Variants in FMN1 observed in about 807,000 individuals in gnomAD.
FMN1 encodes formin-1.
Under a neutral mutation model 132.4 loss-of-function variants are expected in FMN1, and 110 were observed. That is an observed-to-expected ratio of 0.83 (90% CI 0.71 to 0.97). FMN1 has a LOEUF of 0.97. FMN1 is among the 50% of genes least tolerant of loss of function. The pLI is 0.00. For missense variants in FMN1, 1,792 were observed against 1,705.3 expected (o/e 1.05, Z -0.90); for synonymous variants, 722 against 651.7 (o/e 1.11, Z -1.64).
intron 7 of FMN1, among the ~76,000 whole-genome samples, chr15:33,004,393 A>G (rs2034294974): frequency 6.6e-6 from 1 of 152,230 alleles, no homozygotes; most frequent in East Asian, 1.9e-4. Flanking sequence ...ATGAACAGAC[A>G]CTTCTCAAAA....
chr15:32,919,045 C>T (rs1377651745), intron 10 of FMN1, among the ~76,000 whole-genome samples: 3 of 152,076 alleles, frequency 2.0e-5, no homozygotes, highest in Non-Finnish European at 4.4e-5. Flanking sequence ...ATTGAAACTG[C>T]CCATTTATTT....
At chr15:32,783,164 AT>A (rs1285240475) in intron 19 of FMN1, among the ~76,000 whole-genome samples, 9 of 152,338 alleles carry the variant, frequency 5.9e-5, no homozygotes, top group African/African-American at 2.2e-4. Flanking sequence ...ACAAAAAAAA[AT>A]AAAGGTTATA....
intron 19 of FMN1, among the ~76,000 whole-genome samples, chr15:32,778,609 C>G (rs1164790679): frequency 6.6e-6 from 1 of 152,058 alleles, no homozygotes; most frequent in Admixed American, 6.6e-5. Flanking sequence ...TGGGATACCA[C>G]TTCACATCCA....
At position 33,109,301 on chromosome 15, in the gene FMN1, T is replaced by C. The variant is rs567937600; in HGVS notation, c.1868-20327A>G. On this transcript the variant is annotated intron_variant, in intron 4 of 20. Transcript: ENST00000616417. ...TTACTTTTGTCAAAACATTAATAGA[T>C]AAATGGCCAAAGGGAAAATAAAAAT... Among the ~76,000 whole-genome samples, 3 of 152,182 alleles carry C rather than the reference T, an allele frequency of 2.0e-5. No individual in the cohort carries two copies. The South Asian group carries it at 6.2e-4, about 32-fold the overall frequency.
chr15:32,904,149 A>T (rs2060364556), intron 12 of FMN1, among the ~76,000 whole-genome samples: 1 of 152,096 alleles, frequency 6.6e-6, no homozygotes, highest in South Asian at 2.1e-4. Context: ...TGGAGTGTGA[A>T]TGAGTGCTCT....
At chr15:33,135,064 T>C (rs936472131) in intron 4 of FMN1, among the ~76,000 whole-genome samples, 1 of 152,170 alleles carries the variant, frequency 6.6e-6, no homozygotes, top group Non-Finnish European at 1.5e-5. Context: ...AAAATAAAGG[T>C]AGCCTATACA....
intron 10 of FMN1, among the ~76,000 whole-genome samples, chr15:32,917,377 C>CGCAT (rs1377405471): frequency 6.6e-6 from 1 of 152,220 alleles, no homozygotes; most frequent in Non-Finnish European, 1.5e-5. Flanking sequence ...AATCCTCACT[C>CGCAT]TATGCAAGTA....
At chr15:32,894,024 GCTT>G (rs1249343017) in intron 15 of FMN1, among the ~76,000 whole-genome samples, 3 of 152,174 alleles carry the variant, frequency 2.0e-5, no homozygotes, top group Admixed American at 6.5e-5. Context: ...GCCCGCTGCT[GCTT>G]CTTAATTTCC....
chr15:32,926,796 T>G (rs1434996514), intron 9 of FMN1, among the ~76,000 whole-genome samples: 1 of 152,128 alleles, frequency 6.6e-6, no homozygotes, highest in Non-Finnish European at 1.5e-5. Flanking sequence ...AGTCTATATT[T>G]TATTTTGAGA....
At chr15:32,892,299 A>G (rs1189940860) in intron 15 of FMN1, among the ~76,000 whole-genome samples, 2 of 152,140 alleles carry the variant, frequency 1.3e-5, no homozygotes, top group African/African-American at 4.8e-5. Flanking sequence ...CTTTTTCTGC[A>G]TCTATTGATA....
intron 16 of FMN1, among the ~76,000 whole-genome samples, chr15:32,862,230 C>T (rs566142597): frequency 1.3e-5 from 2 of 151,988 alleles, no homozygotes; most frequent in South Asian, 2.1e-4. Context: ...ACTGTTCAAC[C>T]GGAAGACTCG....
At chr15:33,018,047 A>G (rs991176171) in intron 6 of FMN1, among the ~76,000 whole-genome samples, 13 of 147,662 alleles carry the variant, frequency 8.8e-5, no homozygotes, top group African/African-American at 3.3e-4. Context: ...CCTGGGCAAC[A>G]GAGCGACACT....
chr15:33,125,704 C>CAA lies in FMN1; in HGVS notation c.1867+27342_1867+27343dup, dbSNP rs58963131. 9.0e-3 allele frequency among the ~76,000 whole-genome samples: 1,301 copies of CAA among 144,302 alleles called. 23 individuals carry two copies. Among genetic ancestry groups the CAA allele is most frequent in the African/African-American group, 0.03 (1,188 of 39,506 alleles). 94.7% of individuals were successfully genotyped at this position (144,302 alleles called of 152,430 possible). A position where few individuals can be genotyped will look rare whatever the true frequency, so the allele number is the denominator to read the frequency against. On this transcript the variant is annotated intron_variant, in intron 4 of 20. Coordinates refer to ENST00000616417, the MANE Select transcript of FMN1 (RefSeq NM_001277313.2). ...AAATACAAAAATTAGTCAGGTGTCT[C>CAA]AAAAAAAAAAAAAAATTAAGAATGA... is the stretch of plus-strand genomic sequence containing the variant.
intron 9 of FMN1, among the ~76,000 whole-genome samples, chr15:32,943,088 T>C (rs1290961241): frequency 1.3e-5 from 2 of 152,154 alleles, no homozygotes; most frequent in Non-Finnish European, 2.9e-5. Context: ...CAGTGGGGTA[T>C]TTCAGGTCTT....
chr15:32,859,955 T>A (rs946128584), intron 16 of FMN1, among the ~76,000 whole-genome samples: 1 of 152,084 alleles, frequency 6.6e-6, no homozygotes, highest in Non-Finnish European at 1.5e-5. Flanking sequence ...GGAGGGTTTT[T>A]TCTGCCCAGG....
intron 6 of FMN1, among the ~76,000 whole-genome samples, chr15:33,053,423 T>C (rs2037070592): frequency 6.6e-6 from 1 of 152,176 alleles, no homozygotes; most frequent in South Asian, 2.1e-4. Flanking sequence ...CTGCACTCGT[T>C]CACTCATGTG....
chr15:32,774,865 G>A (rs565805999), intron 20 of FMN1, among the ~76,000 whole-genome samples: 1 of 152,304 alleles, frequency 6.6e-6, no homozygotes, highest in South Asian at 2.1e-4. Flanking sequence ...TGCCATGGAT[G>A]TTATGCTCTT....
intron 2 of FMN1, among the ~76,000 whole-genome samples, chr15:33,192,364 C>A (rs1020310987): frequency 1.4e-4 from 22 of 152,222 alleles, no homozygotes; most frequent in African/African-American, 5.3e-4. Flanking sequence ...GATATGAGAC[C>A]TACCCTTAGA....
At position 32,973,437 on chromosome 15, in the gene FMN1, A is replaced by G. The variant is rs945834106; in HGVS notation, c.2224-3960T>C. 3.3e-5 allele frequency among the ~76,000 whole-genome samples: 5 copies of G among 152,204 alleles called. No homozygotes were observed. In the South Asian group the frequency reaches 1.0e-3, roughly 31 times the overall value. On this transcript the variant is annotated intron_variant, in intron 7 of 20. Transcript: ENST00000616417. Reference sequence around the variant, plus strand: ...CAGACTCCATGAATGGGTTCCTCACATACTGTATTCACTGATATGGAGAAT... The same window carrying G: ...CAGACTCCATGAATGGGTTCCTCACGTACTGTATTCACTGATATGGAGAAT...
Sources: gnomAD v4.1 joint callset for allele counts (sites outside exome capture counted in the v4.1 genomes callset) on GRCh38, gnomAD v4.1.1 for gene constraint, MANE v1.5 for transcripts, NCBI Gene and HGNC (gene_info 2026-07-23, HGNC 2026-07-21) for gene names.